Variants in H4C2 observed in about 807,000 individuals in gnomAD.
The protein encoded by H4C2 is H4 clustered histone 2, also known as histone H4.
In H4C2, 8 loss-of-function variants were observed where a neutral mutation model predicts 5.0. The ratio of observed to expected loss-of-function variants is 1.61; its 90% CI spans 0.94 to 2.90. The LOEUF (loss-of-function observed/expected upper bound fraction) is 2.90. Ranked by LOEUF, H4C2 falls within the 30% of genes most tolerant of loss-of-function variation. H4C2 has a pLI of 0.00. For synonymous variants in H4C2, 145 were observed against 54.0 expected, an observed-to-expected ratio of 2.69 and a Z score of -7.39; for missense variants, 267 against 145.6, an observed-to-expected ratio of 1.83 and a Z score of -4.29.
In H4C2 at chr6:26,027,266, A is replaced by C. The variant is rs1371522837; in HGVS notation, c.-14T>G. ...GCGACCAGACATGTCTAACCAGCTGACAACAAAAACCAGGTACGCGAAAAG... is the reference window on the plus strand; with the variant it reads ...GCGACCAGACATGTCTAACCAGCTGCCAACAAAAACCAGGTACGCGAAAAG... On this transcript the variant is annotated 5_prime_UTR_variant, in exon 1 of 1. Transcript: ENST00000377745. 4 of 1,586,658 alleles carry C rather than the reference A, an allele frequency of 2.5e-6. No homozygotes were observed. Among genetic ancestry groups the C allele is most frequent in the Non-Finnish European group, 3.4e-6 (4 of 1,159,840 alleles).
Position 26,026,970 on chromosome 6 carries a change from C to A in H4C2, c.283G>T (p.Gly95Ter). ...CCGCCGAAGCCGTACAGAGTGCGTC[C>A]TTGACGCTTGAGCGCGTAAACCACA... ...MDVVYALKRQ[G>*]RTLYGFGG is the part of the protein sequence containing the mutation. The change falls in exon 1 of 1, where the codon GGA (glycine) becomes TGA (stop). Residue 95 changes from glycine (G) to a stop codon, truncating the protein, a stop_gained. Coordinates refer to ENST00000377745, the MANE Select transcript of H4C2 (RefSeq NM_003544.3). LOFTEE classifies it high-confidence loss of function. The A allele has an allele frequency of 1.2e-6, 2 of 1,613,864 alleles. No individual in the cohort carries two copies. The highest frequency in any genetic ancestry group is 1.7e-6 in the Non-Finnish European group (2 of 1,179,752).
Position 26,027,276 on chromosome 6 carries a change from C to G in H4C2, c.-24G>C, listed in dbSNP as rs182646611. The G allele has an allele frequency of 2.4e-5, 38 of 1,579,774 alleles. No individual in the cohort carries two copies. In the Admixed American group the frequency reaches 4.4e-4, roughly 18 times the overall value. ...ATGTCTAACCAGCTGACAACAAAAA[C>G]CAGGTACGCGAAAAGAAAGCAAGCC... On this transcript the variant is annotated 5_prime_UTR_variant, in exon 1 of 1. Coordinates refer to ENST00000377745, the MANE Select transcript of H4C2 (RefSeq NM_003544.3).
At position 26,026,951 on chromosome 6, in the gene H4C2, A is replaced by G. The variant is rs1227307082; in HGVS notation, c.302T>C (p.Phe101Ser). ...LKRQGRTLYG[F>S]GG ...AAACTGACGAAAAGATTAACCGCCG[A>G]AGCCGTACAGAGTGCGTCCTTGACG... The change falls in exon 1 of 1, where the codon TTC (phenylalanine) becomes TCC (serine). Residue 101 changes from phenylalanine (F) to serine (S), a missense_variant. Transcript: ENST00000377745. The G allele has an allele frequency of 6.2e-7, 1 of 1,611,038 alleles. No homozygotes were observed. The highest frequency in any genetic ancestry group is 8.5e-7 in the Non-Finnish European group (1 of 1,177,996).
Position 26,027,054 on chromosome 6 carries a change from T to C in H4C2, c.199A>G (p.Ile67Val), listed in dbSNP as rs777598662. The part of the protein sequence containing the change: ...GVLKVFLENV[I>V]RDAVTYTEHA... ...TCCGTGTAGGTCACGGCGTCCCGGA[T>C]CACGTTCTCCAGAAACACCTTGAGA... Residue 67 changes from isoleucine (I) to valine (V), a missense_variant, in exon 1 of 1, where the codon ATC (isoleucine) becomes GTC (valine). Physicochemically the swap from Ile to Val is conservative, Grantham distance 29. Transcript: ENST00000377745. 57 of 1,613,560 alleles carry C rather than the reference T, an allele frequency of 3.5e-5. No individual in the cohort carries two copies. In the South Asian group the frequency reaches 6.0e-4, roughly 17 times the overall value.
Position 26,027,189 on chromosome 6 carries a change from C to G in H4C2, c.64G>C (p.Val22Leu). Reference protein sequence around the residue: ...GKGGAKRHRKVLRDNIQGITK... With the variant: ...GKGGAKRHRKLLRDNIQGITK... ...ATGCCTTGGATGTTATCCCGCAGCACTTTTCGGTGACGCTTGGCACCTCCC... is the reference window on the plus strand; with the variant it reads ...ATGCCTTGGATGTTATCCCGCAGCAGTTTTCGGTGACGCTTGGCACCTCCC... Residue 22 changes from valine to leucine, a missense_variant, in exon 1 of 1, where the codon GTG becomes CTG. By Grantham distance (32) the Val-to-Leu change is conservative. Transcript: ENST00000377745. The G allele has an allele frequency of 6.2e-7, 1 of 1,614,166 alleles. No homozygotes were observed. The highest frequency in any genetic ancestry group is 8.5e-7 in the Non-Finnish European group (1 of 1,179,972).
rs28688702 is a variant in H4C2, at chr6:26,027,232, G to A, written c.21C>T (p.Gly7=). Residue 7 remains glycine, a synonymous_variant, in exon 1 of 1, where the codon GGC becomes GGT. Transcript: ENST00000377745. MSGRGK[G]GKGLGKGGAK... is the part of the protein sequence containing the mutation. The stretch of plus-strand genomic sequence containing the variant: ...CACCTCCCTTACCCAAACCTTTACC[G>A]CCTTTGCCGCGACCAGACATGTCTA... 1.1e-3 allele frequency: 1,828 copies of A among 1,605,714 alleles called. 14 individuals are homozygous for A. The East Asian group carries it at 0.015, about 13-fold the overall frequency.
Position 26,027,176 on chromosome 6 carries a change from T to G in H4C2, c.77A>C (p.Asn26Thr). The change falls in exon 1 of 1, where the codon AAC (asparagine) becomes ACC (threonine). Residue 26 changes from asparagine to threonine, a missense_variant. Transcript: ENST00000377745. Reference sequence around the variant, plus strand: ...GGCCGGTTTGGTGATGCCTTGGATGTTATCCCGCAGCACTTTTCGGTGACG... The same window carrying G: ...GGCCGGTTTGGTGATGCCTTGGATGGTATCCCGCAGCACTTTTCGGTGACG... ...AKRHRKVLRDNIQGITKPAIR... is the reference protein window; with the variant it reads ...AKRHRKVLRDTIQGITKPAIR... 6.2e-7 allele frequency: 1 copy of G among 1,614,174 alleles called. No homozygotes were observed. The highest frequency in any genetic ancestry group is 1.1e-5 in the South Asian group (1 of 91,086).
rs775228369 is a variant in H4C2 at position 26,026,901 on chromosome 6, G to A, written c.*40C>T. The A allele has an allele frequency of 1.2e-5, 18 of 1,524,014 alleles. No individual in the cohort carries two copies. The highest frequency in any genetic ancestry group is 2.3e-5 in the East Asian group (1 of 44,298). The allele number at this position is 1,524,014 out of a possible 1,614,324, so 94.4% of individuals were successfully genotyped here. A position where few individuals can be genotyped will look rare whatever the true frequency, so the allele number is the denominator to read the frequency against. On this transcript the variant is annotated 3_prime_UTR_variant, in exon 1 of 1. Transcript: ENST00000377745. Reference sequence around the variant, plus strand: ...CAGCTCTTTCTGAGAGGGAGTGGGCGGCCCTGAAAAGGGCCATTGGAAGAA... The same window carrying A: ...CAGCTCTTTCTGAGAGGGAGTGGGCAGCCCTGAAAAGGGCCATTGGAAGAA...
chr6:26,027,127 A>C lies in H4C2; in HGVS notation c.126T>G (p.Gly42=). The C allele has an allele frequency of 6.2e-7, 1 of 1,614,112 alleles. No individual in the cohort carries two copies. Among genetic ancestry groups the C allele is most frequent in the South Asian group, 1.1e-5 (1 of 91,086 alleles). Residue 42 remains glycine, a synonymous_variant, in exon 1 of 1, where the codon GGT becomes GGG. Coordinates refer to ENST00000377745, the MANE Select transcript of H4C2 (RefSeq NM_003544.3). ...KPAIRRLARR[G]GVKRISGLIY... ...TCAAACCGGAAATTCGCTTAACCCC[A>C]CCACGCCTAGCAAGGCGCCGAATGG...
Position 26,027,200 on chromosome 6 carries a change from C to G in H4C2, c.53G>C (p.Arg18Pro), listed in dbSNP as rs757590972. Residue 18 changes from arginine to proline, a missense_variant, in exon 1 of 1, where the codon CGT (arginine) becomes CCT (proline). Physicochemically the swap from Arg to Pro is moderately radical, Grantham distance 103. Coordinates refer to ENST00000377745, the MANE Select transcript of H4C2 (RefSeq NM_003544.3). ...GKGLGKGGAKRHRKVLRDNIQ... is the reference protein window; with the variant it reads ...GKGLGKGGAKPHRKVLRDNIQ... ...GTTATCCCGCAGCACTTTTCGGTGA[C>G]GCTTGGCACCTCCCTTACCCAAACC... 1 of 1,613,888 alleles carries G rather than the reference C, an allele frequency of 6.2e-7. No homozygotes were observed. Among genetic ancestry groups the G allele is most frequent in the Non-Finnish European group, 8.5e-7 (1 of 1,179,850 alleles).
Position 26,026,922 on chromosome 6 carries a change from A to G in H4C2, c.*19T>C, listed in dbSNP as rs1761342353. 2 of 1,592,178 alleles carry G rather than the reference A, an allele frequency of 1.3e-6. No individual in the cohort carries two copies. The highest frequency in any genetic ancestry group is 1.7e-4 in the Middle Eastern group (1 of 5,966). ...GGGCGGCCCTGAAAAGGGCCATTGG[A>G]AGAAAACTGACGAAAAGATTAACCG... On this transcript the variant is annotated 3_prime_UTR_variant, in exon 1 of 1. Coordinates refer to ENST00000377745, the MANE Select transcript of H4C2 (RefSeq NM_003544.3).
rs370377709 is a variant in H4C2 at position 26,027,283 on chromosome 6, C to A, written c.-31G>T. Reference sequence around the variant, plus strand: ...ACCAGCTGACAACAAAAACCAGGTACGCGAAAAGAAAGCAAGCCACGAGCA... The same window carrying A: ...ACCAGCTGACAACAAAAACCAGGTAAGCGAAAAGAAAGCAAGCCACGAGCA... On this transcript the variant is annotated 5_prime_UTR_variant, in exon 1 of 1. Coordinates refer to ENST00000377745, the MANE Select transcript of H4C2 (RefSeq NM_003544.3). 884 of 1,574,702 alleles carry A rather than the reference C, an allele frequency of 5.6e-4. 5 individuals carry two copies. Among genetic ancestry groups the A allele is most frequent in the Admixed American group, 2.3e-4 (13 of 56,824 alleles).
Position 26,027,281 on chromosome 6 carries a change from T to G in H4C2, c.-29A>C, listed in dbSNP as rs73387437. 6,086 of 1,576,792 alleles carry G rather than the reference T, an allele frequency of 3.9e-3. 120 individuals carry two copies. In the African/African-American group the frequency reaches 0.053, roughly 14 times the overall value. On this transcript the variant is annotated 5_prime_UTR_variant, in exon 1 of 1. Transcript: ENST00000377745. ...TAACCAGCTGACAACAAAAACCAGG[T>G]ACGCGAAAAGAAAGCAAGCCACGAG...
rs375239146 is a variant in H4C2, at chr6:26,027,098, T to A, written c.155A>T (p.Tyr52Phe). 1.4e-5 allele frequency: 22 copies of A among 1,614,072 alleles called. No homozygotes were observed. In the Admixed American group the frequency reaches 3.7e-4, roughly 27 times the overall value. The part of the protein sequence containing the change: ...GGVKRISGLI[Y>F]EETRGVLKVF... The stretch of plus-strand genomic sequence containing the variant: ...CTTGAGAACGCCACGAGTCTCCTCA[T>A]AAATCAAACCGGAAATTCGCTTAAC... The change falls in exon 1 of 1, where the codon TAT becomes TTT. Residue 52 changes from tyrosine (Y) to phenylalanine (F), a missense_variant. Physicochemically the swap from Tyr to Phe is conservative, Grantham distance 22. Coordinates refer to ENST00000377745, the MANE Select transcript of H4C2 (RefSeq NM_003544.3).
rs116171042 is a variant in H4C2, at chr6:26,027,247, A to T, written c.6T>A (p.Ser2=). The T allele has an allele frequency of 2.5e-4, 399 of 1,603,630 alleles. No homozygotes were observed. The African/African-American group carries it at 3.2e-3, about 13-fold the overall frequency. Residue 2 remains serine, a synonymous_variant, in exon 1 of 1, where the codon TCT becomes TCA. Transcript: ENST00000377745. M[S]GRGKGGKGLG... ...AACCTTTACCGCCTTTGCCGCGACC[A>T]GACATGTCTAACCAGCTGACAACAA...
rs762951010 is a variant in H4C2 at position 26,027,006 on chromosome 6, T to A, written c.247A>T (p.Thr83Ser). 6.2e-7 allele frequency: 1 copy of A among 1,614,074 alleles called. No homozygotes were observed. Among genetic ancestry groups the A allele is most frequent in the Admixed American group, 1.7e-5 (1 of 60,006 alleles). Residue 83 changes from threonine (T) to serine (S), a missense_variant, in exon 1 of 1, where the codon ACT becomes TCT. Physicochemically the swap from Thr to Ser is moderately conservative, Grantham distance 58. Coordinates refer to ENST00000377745, the MANE Select transcript of H4C2 (RefSeq NM_003544.3). ...AGCGCGTAAACCACATCCATGGCAG[T>A]GACAGTCTTGCGCTTGGCGTGCTCC... Reference protein sequence around the residue: ...YTEHAKRKTVTAMDVVYALKR... With the variant: ...YTEHAKRKTVSAMDVVYALKR...
In H4C2 at chr6:26,027,066, G is replaced by GA; in HGVS notation, c.186dup (p.Leu63SerfsTer?). 2 of 1,611,518 alleles carry GA rather than the reference G, an allele frequency of 1.2e-6. No homozygotes were observed. Among genetic ancestry groups the GA allele is most frequent in the Non-Finnish European group, 1.7e-6 (2 of 1,178,926 alleles). ...ACGGCGTCCCGGATCACGTTCTCCA[G>GA]AAACACCTTGAGAACGCCACGAGTC... On this transcript the variant is annotated frameshift_variant, in exon 1 of 1. Coordinates refer to ENST00000377745, the MANE Select transcript of H4C2 (RefSeq NM_003544.3). LOFTEE classifies it high-confidence loss of function.
Position 26,027,060 on chromosome 6 carries a change from T to C in H4C2, c.193A>G (p.Asn65Asp). The C allele has an allele frequency of 6.2e-7, 1 of 1,614,000 alleles. No individual in the cohort carries two copies. The highest frequency in any genetic ancestry group is 8.5e-7 in the Non-Finnish European group (1 of 1,179,960). Reference protein sequence around the residue: ...TRGVLKVFLENVIRDAVTYTE... With the variant: ...TRGVLKVFLEDVIRDAVTYTE... ...TAGGTCACGGCGTCCCGGATCACGT[T>C]CTCCAGAAACACCTTGAGAACGCCA... is the stretch of plus-strand genomic sequence containing the variant. Residue 65 changes from asparagine to aspartate, a missense_variant, in exon 1 of 1, where the codon AAC becomes GAC. Coordinates refer to ENST00000377745, the MANE Select transcript of H4C2 (RefSeq NM_003544.3).
chr6:26,027,013 C>T lies in H4C2; in HGVS notation c.240G>A (p.Lys80=), dbSNP rs1270778114. 6.2e-7 allele frequency: 1 copy of T among 1,614,208 alleles called. No individual in the cohort carries two copies. The highest frequency in any genetic ancestry group is 1.1e-5 in the South Asian group (1 of 91,088). The change falls in exon 1 of 1, where the codon AAG becomes AAA. Residue 80 remains lysine (K), a synonymous_variant. Coordinates refer to ENST00000377745, the MANE Select transcript of H4C2 (RefSeq NM_003544.3). ...AAACCACATCCATGGCAGTGACAGT[C>T]TTGCGCTTGGCGTGCTCCGTGTAGG... ...AVTYTEHAKR[K]TVTAMDVVYA... is the part of the protein sequence containing the mutation.
Sources: gnomAD v4.1 joint callset for allele counts on GRCh38, gnomAD v4.1.1 for gene constraint, MANE v1.5 for transcripts, NCBI Gene and HGNC (gene_info 2026-07-23, HGNC 2026-07-21) for gene names.